Variants in KIF6 observed in about 807,000 individuals in gnomAD.
The protein encoded by KIF6 is kinesin-like protein KIF6.
A neutral mutation model predicts 112.7 loss-of-function variants in KIF6; 106 were observed. The ratio of observed to expected loss-of-function variants is 0.94; its 90% CI spans 0.80 to 1.11. KIF6 has a LOEUF of 1.11. KIF6 is among the 50% of genes least tolerant of loss of function. The pLI is 0.00. For synonymous variants in KIF6, 339 were observed against 339.9 expected (o/e 1.00, Z 0.03); for missense variants, 929 against 964.0 (o/e 0.96, Z 0.48).
intron 9 of KIF6, among the ~76,000 whole-genome samples, chr6:39,583,938 G>A (rs1037688707): frequency 1.3e-5 from 2 of 151,794 alleles, no homozygotes; most frequent in African/African-American, 4.8e-5. Context: ...TTATTACCAT[G>A]TAAATTTTTT....
chr6:39,715,931 C>G (rs1789824734), intron 2 of KIF6, among the ~76,000 whole-genome samples: 1 of 152,168 alleles, frequency 6.6e-6, no homozygotes, highest in African/African-American at 2.4e-5. Flanking sequence ...AGCTGCTGAA[C>G]TGCTTTTCAG....
At chr6:39,613,738 T>C (rs1783348001) in intron 5 of KIF6, among the ~76,000 whole-genome samples, 1 of 152,184 alleles carries the variant, frequency 6.6e-6, no homozygotes, top group African/African-American at 2.4e-5. Flanking sequence ...TCACTTTCAA[T>C]TTACATGACA....
At chr6:39,630,642 C>T (rs1404798556) in intron 5 of KIF6, among the ~76,000 whole-genome samples, 1 of 151,934 alleles carries the variant, frequency 6.6e-6, no homozygotes. Context: ...AGTTGTATTT[C>T]TTTCTTCCCA....
intron 15 of KIF6, among the ~76,000 whole-genome samples, chr6:39,401,950 C>G (rs1026389649): frequency 4.6e-5 from 7 of 152,134 alleles, no homozygotes; most frequent in Non-Finnish European, 1.5e-5. Context: ...TGCCTGATTT[C>G]TTATAGGCCT....
intron 13 of KIF6, among the ~76,000 whole-genome samples, chr6:39,474,775 T>C (rs1156630519): frequency 6.6e-6 from 1 of 152,248 alleles, no homozygotes; most frequent in Non-Finnish European, 1.5e-5. Context: ...ATAACATGCT[T>C]ATCTCTGGAT....
At chr6:39,514,172 G>T (rs920400018) in intron 13 of KIF6, among the ~76,000 whole-genome samples, 2 of 152,102 alleles carry the variant, frequency 1.3e-5, no homozygotes, top group African/African-American at 4.8e-5. Context: ...CTTAAAAGGG[G>T]ATCCCCAAAT....
intron 9 of KIF6, chr6:39,583,200 T>C: frequency 3.9e-6 from 1 of 256,112 alleles, no homozygotes; most frequent in South Asian, 4.4e-5. Context: ...TTATTTTCCT[T>C]AAATTCTGAA....
At chr6:39,346,105 C>G (rs1763745545) in intron 20 of KIF6, among the ~76,000 whole-genome samples, 1 of 51,926 alleles carries the variant, frequency 1.9e-5, no homozygotes, top group Non-Finnish European at 3.4e-5. Flanking sequence ...CTCCCTCCCC[C>G]CCTCCCTCTC....
intron 3 of KIF6, among the ~76,000 whole-genome samples, chr6:39,713,605 C>A (rs566149819): frequency 6.6e-6 from 1 of 152,074 alleles, no homozygotes; most frequent in Non-Finnish European, 1.5e-5. Context: ...ATAAAACACA[C>A]GAAACTAGCT....
intron 3 of KIF6, among the ~76,000 whole-genome samples, chr6:39,640,493 C>G (rs1274574851): frequency 6.6e-6 from 1 of 152,026 alleles, no homozygotes; most frequent in Non-Finnish European, 1.5e-5. Flanking sequence ...GCTTTATGTT[C>G]GTTTTTTGAT....
chr6:39,358,271 A>G (rs1173725569), intron 18 of KIF6, among the ~76,000 whole-genome samples: 1 of 152,224 alleles, frequency 6.6e-6, no homozygotes, highest in Non-Finnish European at 1.5e-5. Flanking sequence ...AGGCTATCCT[A>G]GAAGTTTCTT....
chr6:39,670,509 G>T (rs1171514406), intron 3 of KIF6, among the ~76,000 whole-genome samples: 3 of 152,086 alleles, frequency 2.0e-5, no homozygotes, highest in African/African-American at 7.2e-5. Flanking sequence ...AGTGGAAGTG[G>T]GTCATCATAC....
chr6:39,661,496 C>T (rs562738290), intron 3 of KIF6, among the ~76,000 whole-genome samples: 4 of 151,820 alleles, frequency 2.6e-5, no homozygotes, highest in South Asian at 2.1e-4. Flanking sequence ...TTCTTTTTTT[C>T]TCTCTCTCTC....
chr6:39,483,753 G>T (rs1418374823), intron 13 of KIF6, among the ~76,000 whole-genome samples: 1 of 152,250 alleles, frequency 6.6e-6, no homozygotes. Flanking sequence ...CAGGATATCA[G>T]CCCTAAGAGA....
chr6:39,366,489 G>A (rs1320597045), intron 16 of KIF6, among the ~76,000 whole-genome samples: 3 of 152,174 alleles, frequency 2.0e-5, no homozygotes, highest in Non-Finnish European at 2.9e-5. Flanking sequence ...GCTGGGGATC[G>A]GAAGGTGCTA....
At chr6:39,353,939 G>C in intron 19 of KIF6, 1 of 572,898 alleles carries the variant, frequency 1.7e-6, no homozygotes, top group Non-Finnish European at 3.1e-6. Context: ...GGGTGCCACT[G>C]CTCTGCAGCA....
intron 5 of KIF6, among the ~76,000 whole-genome samples, chr6:39,615,542 C>A (rs775721987): frequency 7.0e-6 from 1 of 142,370 alleles, no homozygotes; most frequent in Non-Finnish European, 1.5e-5. Flanking sequence ...TAGGTCCCAT[C>A]CTAAGAGATT....
intron 10 of KIF6, among the ~76,000 whole-genome samples, chr6:39,568,478 C>A (rs1780443333): frequency 6.6e-6 from 1 of 152,070 alleles, no homozygotes; most frequent in African/African-American, 2.4e-5. Context: ...TGGTTAATAT[C>A]ATTTGAACAG....
chr6:39,695,584 C>A (rs1250780475), intron 3 of KIF6, among the ~76,000 whole-genome samples: 2 of 152,004 alleles, frequency 1.3e-5, no homozygotes, highest in Non-Finnish European at 1.5e-5. Flanking sequence ...TGATGCAAAC[C>A]AAAACTACAA....
Sources: gnomAD v4.1 joint callset for allele counts (sites outside exome capture counted in the v4.1 genomes callset) on GRCh38, gnomAD v4.1.1 for gene constraint, MANE v1.5 for transcripts, NCBI Gene and HGNC (gene_info 2026-07-23, HGNC 2026-07-21) for gene names.